Variants in RNF19B observed in about 807,000 individuals in gnomAD.
The protein encoded by RNF19B is ring finger protein 19B.
In RNF19B, 23 loss-of-function variants were observed where a neutral mutation model predicts 65.5. The ratio of observed to expected loss-of-function variants is 0.35; its 90% CI spans 0.25 to 0.50. RNF19B has a LOEUF of 0.50. Among genes scored for constraint, RNF19B ranks in the 20% least tolerant of loss-of-function variants. The pLI is 0.98. For missense variants in RNF19B, 794 were observed against 980.0 expected (o/e 0.81, Z 2.53); for synonymous variants, 372 against 379.6 (o/e 0.98, Z 0.23).
chr1:32,953,324 A>T (rs1642555258), intron 1 of RNF19B, among the ~76,000 whole-genome samples: 1 of 152,050 alleles, frequency 6.6e-6, no homozygotes. Flanking sequence ...CCGTGTTGCC[A>T]TCTGCACTCT....
chr1:32,950,714 T>C (rs1053059616), intron 1 of RNF19B, among the ~76,000 whole-genome samples: 2 of 152,142 alleles, frequency 1.3e-5, no homozygotes, highest in South Asian at 4.2e-4. Flanking sequence ...TTTTTGTAAT[T>C]TGCATAGAGA....
intron 7 of RNF19B, among the ~76,000 whole-genome samples, chr1:32,941,493 TTG>T: frequency 1.3e-5 from 2 of 152,088 alleles, no homozygotes; most frequent in Non-Finnish European, 2.9e-5. Flanking sequence ...CGAGCCAAGA[TTG>T]CACCATTGCA....
intron 1 of RNF19B, among the ~76,000 whole-genome samples, chr1:32,963,171 C>T (rs191215291): frequency 6.6e-6 from 1 of 152,260 alleles, no homozygotes; most frequent in Admixed American, 6.5e-5. Context: ...CCCAAGGCAG[C>T]AAGGTAAGAA....
At chr1:32,955,513 T>C (rs1158416933) in intron 1 of RNF19B, among the ~76,000 whole-genome samples, 1 of 150,564 alleles carries the variant, frequency 6.6e-6, no homozygotes, top group Non-Finnish European at 1.5e-5. Context: ...GTGGATTGCT[T>C]GAGCTCAGGA....
intron 1 of RNF19B, among the ~76,000 whole-genome samples, chr1:32,959,917 G>A (rs1418843899): frequency 6.6e-6 from 1 of 151,676 alleles, no homozygotes; most frequent in African/African-American, 2.4e-5. Flanking sequence ...CAGGCGTGGT[G>A]GTGGGCGCCT....
chr1:32,951,146 T>G (rs531416017), intron 1 of RNF19B, among the ~76,000 whole-genome samples: 113 of 152,350 alleles, frequency 7.4e-4, no homozygotes, highest in Non-Finnish European at 1.1e-3. Context: ...CTTTTTCATT[T>G]TTTTTCTTCA....
Position 32,964,370 on chromosome 1 carries a change from C to T in RNF19B, c.316G>A (p.Ala106Thr). 3.6e-6 allele frequency: 5 copies of T among 1,402,504 alleles called. No homozygotes were observed. Among genetic ancestry groups the T allele is most frequent in the Non-Finnish European group, 4.6e-6 (5 of 1,079,220 alleles). 86.9% of individuals were successfully genotyped at this position (1,402,504 alleles called of 1,614,324 possible). ...GCGCCCGGGCCACCGCCCTCCGCCG[C>T]CTCCTCATCGTCGAACCCAGGCTCC... is the stretch of plus-strand genomic sequence containing the variant. ...AAEPGFDDEE[A>T]AEGGGPGAEE... The change falls in exon 1 of 9, where the codon GCG becomes ACG. Residue 106 changes from alanine (A) to threonine (T), a missense_variant. Ala to Thr is a moderately conservative substitution (Grantham distance 58). Around this residue, in one of 3 missense-constraint regions of RNF19B, gnomAD observed 374 missense variants for 423.8 expected, o/e 0.88. Transcript: ENST00000235150. This position sits in a 1 kb window ranked among gnomAD's most constrained non-coding sequence, Gnocchi z 6.5.
downstream of RNF19B, among the ~76,000 whole-genome samples, chr1:32,932,680 G>C (rs1642041531): frequency 6.6e-6 from 1 of 152,144 alleles, no homozygotes; most frequent in Non-Finnish European, 1.5e-5. Context: ...CGCAAGCACT[G>C]CATCTGTCTG....
downstream of RNF19B, among the ~76,000 whole-genome samples, chr1:32,935,343 T>G (rs1350764143): frequency 1.3e-5 from 2 of 151,934 alleles, no homozygotes; most frequent in Non-Finnish European, 2.9e-5. Flanking sequence ...TTCACCATGT[T>G]GGCCAGGCTG....
intron 1 of RNF19B, among the ~76,000 whole-genome samples, chr1:32,957,147 T>G (rs1642657288): frequency 6.6e-6 from 1 of 152,218 alleles, no homozygotes; most frequent in Non-Finnish European, 1.5e-5. Flanking sequence ...CCTATCAACC[T>G]GAATCCAGTC....
chr1:32,946,475 A>G lies in RNF19B; in HGVS notation c.1073T>C (p.Val358Ala). The change falls in exon 4 of 9, where the codon GTG becomes GCG. Residue 358 changes from valine (V) to alanine (A), a missense_variant. Around this residue, in one of 3 missense-constraint regions of RNF19B, gnomAD observed 52 missense variants for 108.8 expected, o/e 0.48. Coordinates refer to ENST00000235150, the MANE Select transcript of RNF19B (RefSeq NM_001300826.2). ...AATGCCAGCAATGAGAGAAATCCCC[A>G]CTGGAGCACCAATCAACGTGCCCAG... ...WQLGTLIGAPVGISLIAGIAI... is the reference protein window; with the variant it reads ...WQLGTLIGAPAGISLIAGIAI... 6.2e-7 allele frequency: 1 copy of G among 1,614,076 alleles called. No homozygotes were observed. Among genetic ancestry groups the G allele is most frequent in the Non-Finnish European group, 8.5e-7 (1 of 1,179,930 alleles).
downstream of RNF19B, chr1:32,936,388 G>A (rs1642097285): frequency 6.4e-6 from 1 of 155,652 alleles, no homozygotes; most frequent in South Asian, 2.0e-4. Context: ...TGTCAAAGAT[G>A]GTGCTTTGTT....
At chr1:32,951,357 A>C (rs1386110177) in intron 1 of RNF19B, among the ~76,000 whole-genome samples, 1 of 152,250 alleles carries the variant, frequency 6.6e-6, no homozygotes, top group African/African-American at 2.4e-5. Flanking sequence ...CACACTTGGC[A>C]CAGCCCACGG....
At position 32,936,915 on chromosome 1, in the gene RNF19B, G is replaced by A. The variant is rs202139079; in HGVS notation, c.2087C>T (p.Ser696Leu). 2.7e-5 allele frequency: 44 copies of A among 1,614,036 alleles called. No individual in the cohort carries two copies. In the East Asian group the frequency reaches 7.1e-4, roughly 26 times the overall value. ...CGGTGCACCTTGGGCTCTGGGGGTC[G>A]AGGGGCAGGCTGCAGTATGGGAGCG... is the stretch of plus-strand genomic sequence containing the variant. ...SPRSHTAACP[S>L]TPRAQGAPSP... Residue 696 changes from serine (S) to leucine (L), a missense_variant, in exon 9 of 9, where the codon TCG becomes TTG. Around this residue, in one of 3 missense-constraint regions of RNF19B, gnomAD observed 368 missense variants for 447.3 expected, o/e 0.82. Transcript: ENST00000235150.
intron 1 of RNF19B, among the ~76,000 whole-genome samples, chr1:32,950,921 C>T (rs1227727416): frequency 3.3e-5 from 5 of 151,066 alleles, no homozygotes; most frequent in Non-Finnish European, 7.4e-5. Flanking sequence ...CTCACTGCAA[C>T]CTCCGCCTCC....
At position 32,963,730 on chromosome 1, in the gene RNF19B, G is replaced by GA. The variant is rs1191998231; in HGVS notation, c.635+320dup. Reference sequence around the variant, plus strand: ...GAGACTCCGTCTCCAAAAAAAAAAAGAAAAAAAAAAAAAGATACTGTCCTC... The same window carrying GA: ...GAGACTCCGTCTCCAAAAAAAAAAAGAAAAAAAAAAAAAAGATACTGTCCTC... On this transcript the variant is annotated intron_variant, in intron 1 of 8. Coordinates refer to ENST00000235150, the MANE Select transcript of RNF19B (RefSeq NM_001300826.2). 8.2e-3 allele frequency among the ~76,000 whole-genome samples: 1,077 copies of GA among 130,758 alleles called. 9 individuals carry two copies. Among genetic ancestry groups the GA allele is most frequent in the African/African-American group, 0.022 (758 of 33,946 alleles). 85.8% of individuals were successfully genotyped at this position (130,758 alleles called of 152,430 possible).
the RNF19B span, among the ~76,000 whole-genome samples, chr1:32,931,233 A>G: frequency 6.6e-6 from 1 of 152,026 alleles, no homozygotes; most frequent in African/African-American, 2.4e-5. Flanking sequence ...TACTCTACAC[A>G]TTTTCCCCTT....
intron 7 of RNF19B, among the ~76,000 whole-genome samples, chr1:32,940,433 T>C (rs1055021216): frequency 2.0e-5 from 3 of 152,198 alleles, no homozygotes; most frequent in Non-Finnish European, 4.4e-5. Flanking sequence ...ATCCTTCTTA[T>C]AGCCAAATAG....
chr1:32,959,483 G>A (rs866478313), intron 1 of RNF19B, among the ~76,000 whole-genome samples: 13 of 152,120 alleles, frequency 8.5e-5, no homozygotes, highest in Admixed American at 2.6e-4. Flanking sequence ...ACTCAAAAGC[G>A]TAAAAGATCA....
Sources: gnomAD v4.1 joint callset for allele counts (sites outside exome capture counted in the v4.1 genomes callset) on GRCh38, gnomAD v4.1.1 for gene constraint, gnomAD v4.1.1 regional missense constraint, Gnocchi (gnomAD v3.1) non-coding constraint, MANE v1.5 for transcripts, NCBI Gene and HGNC (gene_info 2026-07-23, HGNC 2026-07-21) for gene names.